Variants in IL23R observed in about 807,000 individuals in gnomAD.
IL23R encodes interleukin-23 receptor.
Under a neutral mutation model 56.9 loss-of-function variants are expected in IL23R, and 34 were observed. That is an observed-to-expected ratio of 0.60 (90% confidence interval 0.45 to 0.80). The LOEUF is 0.80. Ranked by LOEUF, IL23R falls within the 30% of genes least tolerant of loss-of-function variation. IL23R has a pLI of 0.00. For synonymous variants in IL23R, 230 were observed against 249.2 expected (o/e 0.92, Z 0.73); for missense variants, 635 against 730.0 (o/e 0.87, Z 1.50).
At chr1:67,236,283 G>T (rs1651468006) in intron 7 of IL23R, among the ~76,000 whole-genome samples, 1 of 152,254 alleles carries the variant, frequency 6.6e-6, no homozygotes, top group African/African-American at 2.4e-5. Context: ...GCATCCCAAA[G>T]ATTGTGCAAA....
At chr1:67,200,454 G>A (rs890676054) in intron 4 of IL23R, among the ~76,000 whole-genome samples, 2 of 149,726 alleles carry the variant, frequency 1.3e-5, no homozygotes, top group African/African-American at 2.5e-5. Flanking sequence ...AGTGAATGGC[G>A]TGACCTTGGC....
intron 6 of IL23R, among the ~76,000 whole-genome samples, chr1:67,215,792 C>T (rs1486837880): frequency 6.6e-6 from 1 of 152,170 alleles, no homozygotes; most frequent in African/African-American, 2.4e-5. Flanking sequence ...CACTGTTGAC[C>T]ACCTTGTCCT....
At chr1:67,142,825 C>T (rs150303610) in intron 1 of IL23R, among the ~76,000 whole-genome samples, 1 of 152,304 alleles carries the variant, frequency 6.6e-6, no homozygotes, top group African/African-American at 2.4e-5. Context: ...ACCTTGGCCT[C>T]CCAAAGCGCT....
At chr1:67,207,844 TG>T (rs1410414417) in intron 6 of IL23R, 6 of 171,332 alleles carry the variant, frequency 3.5e-5, no homozygotes, top group Admixed American at 1.2e-4. Context: ...ACTTTGGAAC[TG>T]GGTAATAGGC....
At chr1:67,210,590 G>A (rs895489729) in intron 6 of IL23R, among the ~76,000 whole-genome samples, 8 of 152,022 alleles carry the variant, frequency 5.3e-5, no homozygotes, top group African/African-American at 1.7e-4. Flanking sequence ...AGCCTCCCAA[G>A]TAGCTGGGAC....
chr1:67,258,485 G>C lies in IL23R; in HGVS notation c.1247G>C (p.Ser416Thr), dbSNP rs1442474244. ...SNVVKMLQEN[S>T]ELMNNNSSEQ... ...GATGTCTTTTTTTCCTAGGAAAATA[G>C]TGAACTTATGAATAATAATTCCAGT... Residue 416 changes from serine to threonine, a missense_variant, in exon 11 of 11, where the codon AGT becomes ACT. By Grantham distance (58) the Ser-to-Thr change is moderately conservative. Transcript: ENST00000347310. The C allele has an allele frequency of 1.3e-6, 2 of 1,595,198 alleles. No individual in the cohort carries two copies. Among genetic ancestry groups the C allele is most frequent in the African/African-American group, 2.7e-5 (2 of 74,042 alleles).
chr1:67,138,936 T>A (rs1206368267), exon 1 of IL23R: 1 of 152,332 alleles, frequency 6.6e-6, no homozygotes, highest in Non-Finnish European at 1.5e-5. Context: ...CCCAGACAAT[T>A]TTATTCCGGG....
At chr1:67,150,758 A>T (rs963093039) in intron 1 of IL23R, among the ~76,000 whole-genome samples, 1 of 152,058 alleles carries the variant, frequency 6.6e-6, no homozygotes, top group Non-Finnish European at 1.5e-5. Context: ...CAAGCTGGAT[A>T]TAGAAATTTG....
At chr1:67,200,587 G>GA in intron 4 of IL23R, 150 bp from the exon 5 acceptor site, 1 of 646,816 alleles carries the variant, frequency 1.5e-6, no homozygotes, top group Non-Finnish European at 2.7e-6. Flanking sequence ...GTTTCACCAT[G>GA]TTGGCCAGGC....
rs556416252 is a variant in IL23R at position 67,254,362 on chromosome 1, C to T, written c.1149-1475C>T. ...GGGATTACAGGTGTGAGCCAACATG[C>T]CCGGCCCAAAACATTTTAAATATAA... On this transcript the variant is annotated intron_variant, in intron 9 of 10. Coordinates refer to ENST00000347310, the MANE Select transcript of IL23R (RefSeq NM_144701.3). 9.9e-5 allele frequency among the ~76,000 whole-genome samples: 15 copies of T among 151,980 alleles called. No homozygotes were observed. In the East Asian group the frequency reaches 2.9e-3, roughly 29 times the overall value.
chr1:67,158,593 T>C (rs1167363962), intron 1 of IL23R, among the ~76,000 whole-genome samples: 3 of 152,162 alleles, frequency 2.0e-5, no homozygotes, highest in African/African-American at 7.2e-5. Context: ...GCCATGGTAA[T>C]GGTAAACTGA....
At chr1:67,201,132 G>A (rs112635646) in intron 5 of IL23R, among the ~76,000 whole-genome samples, 9 of 140,840 alleles carry the variant, frequency 6.4e-5, no homozygotes, top group African/African-American at 1.8e-4. Flanking sequence ...TGGCTGGGCC[G>A]GTGGCTCACG....
chr1:67,240,786 A>G (rs1651794627), intron 9 of IL23R, among the ~76,000 whole-genome samples: 1 of 152,262 alleles, frequency 6.6e-6, no homozygotes, highest in Non-Finnish European at 1.5e-5. Context: ...CCCCAGAATT[A>G]CAGCAGATTC....
intron 9 of IL23R, among the ~76,000 whole-genome samples, chr1:67,247,650 C>G (rs990714297): frequency 6.6e-6 from 1 of 152,154 alleles, no homozygotes; most frequent in Non-Finnish European, 1.5e-5. Context: ...TGAGTTTGAT[C>G]TTGTCATTAT....
chr1:67,184,428 C>T (rs1163160315), intron 4 of IL23R, among the ~76,000 whole-genome samples: 1 of 151,828 alleles, frequency 6.6e-6, no homozygotes, highest in African/African-American at 2.4e-5. Flanking sequence ...CACTTGTAAT[C>T]CCAGCTACTG....
chr1:67,217,768 T>C (rs1430322748), intron 6 of IL23R, among the ~76,000 whole-genome samples: 3 of 151,476 alleles, frequency 2.0e-5, no homozygotes, highest in Non-Finnish European at 3.0e-5. Flanking sequence ...AAAACTATTC[T>C]AGGGCAGATG....
At chr1:67,216,131 C>T (rs546847759) in intron 6 of IL23R, among the ~76,000 whole-genome samples, 19 of 152,212 alleles carry the variant, frequency 1.2e-4, no homozygotes, top group Admixed American at 3.3e-4. Context: ...CTCCCAGTTG[C>T]GAACGGCAAT....
chr1:67,189,528 A>G (rs1647590144), intron 4 of IL23R, among the ~76,000 whole-genome samples: 1 of 152,232 alleles, frequency 6.6e-6, no homozygotes, highest in South Asian at 2.1e-4. Context: ...GGTTAGAATA[A>G]AAGTGAATGT....
chr1:67,183,833 G>T (rs1647199725), intron 4 of IL23R, among the ~76,000 whole-genome samples: 1 of 152,166 alleles, frequency 6.6e-6, no homozygotes. Context: ...TACTAAGGGG[G>T]TTTTCAGGAC....
Sources: gnomAD v4.1 joint callset for allele counts (sites outside exome capture counted in the v4.1 genomes callset) on GRCh38, gnomAD v4.1.1 for gene constraint, MANE v1.5 for transcripts, NCBI Gene and HGNC (gene_info 2026-07-23, HGNC 2026-07-21) for gene names.